Variants in PLEKHG1 observed in about 807,000 individuals in gnomAD.
PLEKHG1 encodes pleckstrin homology and RhoGEF domain containing G1.
In PLEKHG1, 44 loss-of-function variants were observed where a neutral mutation model predicts 100.8. The ratio of observed to expected loss-of-function variants is 0.44; its 90% CI spans 0.34 to 0.56. The LOEUF is 0.56. Among genes scored for constraint, PLEKHG1 ranks in the 20% least tolerant of loss-of-function variants. The pLI is 0.01. For missense variants in PLEKHG1, 1,545 were observed against 1,720.9 expected (o/e 0.90, Z 1.81); for synonymous variants, 640 against 662.5 (o/e 0.97, Z 0.52).
chr6:150,819,650 C>T, intron 11 of PLEKHG1, 29 bp from the exon 13 acceptor site: 2 of 1,270,012 alleles, frequency 1.6e-6, no homozygotes, highest in Non-Finnish European at 1.2e-6. Context: ...ACACCACAGT[C>T]CCACTGATGC....
In PLEKHG1 at chr6:150,600,630, C is replaced by T. The variant is rs368669597; in HGVS notation, c.-204+613C>T. On this transcript the variant is annotated intron_variant, in intron 1 of 3. Transcript: ENST00000367326. This position sits in a 1 kb window ranked among gnomAD's most constrained non-coding sequence, Gnocchi z 6.2. ...GGGGTGGGGAGTCAAGAGCCTGTGG[C>T]TCTTCCGTCACGGGGTAAACGGTAA... Among the ~76,000 whole-genome samples the T allele has an allele frequency of 2.0e-5, 3 of 152,222 alleles. No homozygotes were observed. Among genetic ancestry groups the T allele is most frequent in the South Asian group, 4.1e-4 (2 of 4,836 alleles).
In PLEKHG1 at chr6:150,614,201, G is replaced by A. The variant is rs10046223; in HGVS notation, c.-204+14184G>A. 9.4e-3 allele frequency among the ~76,000 whole-genome samples: 1,429 copies of A among 152,252 alleles called. 30 individuals carry two copies. Among genetic ancestry groups the A allele is most frequent in the African/African-American group, 0.033 (1,372 of 41,544 alleles). ...AGCTCTAATGTTTATGAGTGCTGTA[G>A]AGCTAACACCTTTAGAGCTCTAACT... On this transcript the variant is annotated intron_variant, in intron 1 of 3. Coordinates refer to the PLEKHG1 transcript ENST00000367326.
At position 150,683,060 on chromosome 6, in the gene PLEKHG1, A is replaced by T. The variant is rs76079965; in HGVS notation, c.-99+32274A>T. 4.2e-3 allele frequency among the ~76,000 whole-genome samples: 643 copies of T among 152,310 alleles called. 12 individuals carry two copies. Among genetic ancestry groups the T allele is most frequent in the East Asian group, 0.042 (218 of 5,186 alleles). ...CATCTTAACAGTTGACAACTACATC[A>T]TCACAGCTTGACACACGTTTCTTCA... On this transcript the variant is annotated intron_variant, in intron 3 of 3. Coordinates refer to the PLEKHG1 transcript ENST00000367326. This position sits in a 1 kb window ranked among gnomAD's most constrained non-coding sequence, Gnocchi z 4.0.
chr6:150,785,552 G>T (rs1785575511), intron 3 of PLEKHG1, among the ~76,000 whole-genome samples: 1 of 152,142 alleles, frequency 6.6e-6, no homozygotes, highest in African/African-American at 2.4e-5. Context: ...AAAATAACAT[G>T]AATTTACATT....
At chr6:150,809,651 A>G in exon 10 of PLEKHG1, 1 of 1,613,910 alleles carries the variant, frequency 6.2e-7, no homozygotes, top group Non-Finnish European at 8.5e-7. Flanking sequence ...TTGGCAGGCC[A>G]AATCCCAGCA....
chr6:150,835,423 C>G (rs1322076645), intron 15 of PLEKHG1, among the ~76,000 whole-genome samples: 1 of 152,106 alleles, frequency 6.6e-6, no homozygotes, highest in Non-Finnish European at 1.5e-5. Flanking sequence ...TTTTAATCCT[C>G]TGTCTGGAGG....
intron 2 of PLEKHG1, among the ~76,000 whole-genome samples, chr6:150,755,237 A>G (rs555602524): frequency 9.4e-4 from 142 of 151,850 alleles, no homozygotes; most frequent in Non-Finnish European, 1.6e-3. Flanking sequence ...AGGCCTCCCA[A>G]AGTGCTAGGA....
intron 15 of PLEKHG1, among the ~76,000 whole-genome samples, chr6:150,837,384 G>A (rs1777286700): frequency 6.6e-6 from 1 of 152,202 alleles, no homozygotes; most frequent in Admixed American, 6.5e-5. Context: ...ATTAAGCAAA[G>A]GACAAGGAGT....
intron 3 of PLEKHG1, among the ~76,000 whole-genome samples, chr6:150,709,267 G>A (rs1163922492): frequency 3.9e-5 from 6 of 152,160 alleles, no homozygotes; most frequent in Admixed American, 3.3e-4. Flanking sequence ...CCCAGGAGGT[G>A]GAGGTTTCAG....
At chr6:150,640,587 G>A (rs141635316) in intron 2 of PLEKHG1, among the ~76,000 whole-genome samples, 221 of 152,024 alleles carry the variant, frequency 1.5e-3, no homozygotes, top group African/African-American at 5.0e-3. Flanking sequence ...ACTCTCCCAC[G>A]CAAAACCCTG....
chr6:150,765,253 G>A (rs1784398432), intron 2 of PLEKHG1, among the ~76,000 whole-genome samples: 1 of 152,102 alleles, frequency 6.6e-6, no homozygotes, highest in Admixed American at 6.6e-5. Flanking sequence ...AGCATTTTGG[G>A]AGGCCAAGGC....
At chr6:150,735,485 A>T (rs1281992072) in intron 2 of PLEKHG1, among the ~76,000 whole-genome samples, 1 of 152,236 alleles carries the variant, frequency 6.6e-6, no homozygotes, top group Non-Finnish European at 1.5e-5. Flanking sequence ...ATTCTAAAGC[A>T]TGACTACGTG....
chr6:150,689,508 A>C (rs1484627136), intron 3 of PLEKHG1, among the ~76,000 whole-genome samples: 1 of 152,248 alleles, frequency 6.6e-6, no homozygotes, highest in Non-Finnish European at 1.5e-5. Context: ...AAAAATACTT[A>C]ACAAATTTAT....
chr6:150,631,684 CG>C (rs1398271834), intron 1 of PLEKHG1, among the ~76,000 whole-genome samples: 4 of 152,190 alleles, frequency 2.6e-5, no homozygotes, highest in Admixed American at 2.0e-4. Context: ...ACAGTGGATT[CG>C]GGGGTTCCCC....
chr6:150,623,589 G>T (rs989540222), intron 1 of PLEKHG1, among the ~76,000 whole-genome samples: 9 of 152,348 alleles, frequency 5.9e-5, no homozygotes, highest in African/African-American at 2.2e-4. Context: ...CTAATCCAGT[G>T]TTCAGCCCTT....
intron 2 of PLEKHG1, among the ~76,000 whole-genome samples, chr6:150,740,206 A>AC (rs1216373046): frequency 1.3e-5 from 2 of 152,130 alleles, no homozygotes; most frequent in African/African-American, 4.8e-5. Flanking sequence ...TCCTGGGGGC[A>AC]CCCCTCCCTT....
At chr6:150,829,694 G>A (rs1401164070) in intron 14 of PLEKHG1, among the ~76,000 whole-genome samples, 1 of 152,136 alleles carries the variant, frequency 6.6e-6, no homozygotes, top group African/African-American at 2.4e-5. Flanking sequence ...GCAACTAAAT[G>A]TTAATTAAAT....
intron 2 of PLEKHG1, among the ~76,000 whole-genome samples, chr6:150,647,939 T>C (rs2128572079): frequency 6.6e-6 from 1 of 152,296 alleles, no homozygotes; most frequent in South Asian, 2.1e-4. Flanking sequence ...CTCATTGGTT[T>C]ACCTCATATT....
chr6:150,685,961 C>A (rs891337426), intron 3 of PLEKHG1, among the ~76,000 whole-genome samples: 1 of 152,226 alleles, frequency 6.6e-6, no homozygotes, highest in Admixed American at 6.5e-5. Context: ...AATTCAATCT[C>A]AACTTCTACC....
Sources: allele counts gnomAD v4.1 joint callset (sites outside exome capture counted in the v4.1 genomes callset), GRCh38; gene constraint gnomAD v4.1.1; non-coding constraint Gnocchi (gnomAD v3.1); transcripts MANE v1.5; gene names NCBI Gene and HGNC (gene_info 2026-07-23, HGNC 2026-07-21).